The following XKR4 variants were observed in gnomAD, a reference collection of about 807,000 sequenced individuals.
XKR4 encodes the protein XK related 4.
A neutral mutation model predicts 53.9 loss-of-function variants in XKR4; 12 were observed. The ratio of observed to expected loss-of-function variants is 0.22; its 90% confidence interval spans 0.14 to 0.36. The LOEUF is 0.36. Ranked by LOEUF, XKR4 falls within the 10% of genes least tolerant of loss-of-function variation. XKR4 has a pLI of 1.00. For missense variants in XKR4, 799 were observed against 859.5 expected (o/e 0.93, Z 0.88); for synonymous variants, 354 against 362.4 (o/e 0.98, Z 0.26).
chr8:55,190,696 G>A (rs559040876), intron 1 of XKR4, among the ~76,000 whole-genome samples: 5 of 152,300 alleles, frequency 3.3e-5, no homozygotes, highest in African/African-American at 9.6e-5. Flanking sequence ...GTAACGTGTG[G>A]TATGCTGAAC....
chr8:55,277,262 G>A (rs117018763), intron 1 of XKR4, among the ~76,000 whole-genome samples: 282 of 152,240 alleles, frequency 1.9e-3, no homozygotes, highest in Non-Finnish European at 3.2e-3. Context: ...TGATGCTAAG[G>A]TGCTACTAAC....
chr8:55,253,465 A>C (rs1324883354), intron 1 of XKR4, among the ~76,000 whole-genome samples: 1 of 152,222 alleles, frequency 6.6e-6, no homozygotes, highest in African/African-American at 2.4e-5. Flanking sequence ...GCAATAGAAT[A>C]ATATCCAACC....
intron 1 of XKR4, among the ~76,000 whole-genome samples, chr8:55,328,822 C>T (rs1209337017): frequency 6.6e-6 from 1 of 152,208 alleles, no homozygotes; most frequent in Non-Finnish European, 1.5e-5. Context: ...TTTCGGATCT[C>T]AGCTTTACTA....
intron 1 of XKR4, among the ~76,000 whole-genome samples, chr8:55,132,630 A>G (rs1029999926): frequency 1.3e-5 from 2 of 152,196 alleles, no homozygotes; most frequent in African/African-American, 4.8e-5. Context: ...CTCCAGGGCC[A>G]TATTATTAAC....
intron 2 of XKR4, among the ~76,000 whole-genome samples, chr8:55,385,000 C>A (rs1434995958): frequency 6.6e-6 from 1 of 152,068 alleles, no homozygotes; most frequent in East Asian, 1.9e-4. Flanking sequence ...CTTAATACAA[C>A]AATAGTGTAG....
intron 1 of XKR4, among the ~76,000 whole-genome samples, chr8:55,177,988 C>T (rs2129359341): frequency 6.6e-6 from 1 of 152,282 alleles, no homozygotes; most frequent in Non-Finnish European, 1.5e-5. Flanking sequence ...TGTGGAGGTG[C>T]TCCAAAATTT....
intron 1 of XKR4, among the ~76,000 whole-genome samples, chr8:55,277,262 G>T (rs117018763): frequency 6.6e-6 from 1 of 152,122 alleles, no homozygotes; most frequent in Non-Finnish European, 1.5e-5. Context: ...TGATGCTAAG[G>T]TGCTACTAAC....
chr8:55,141,982 T>A, intron 1 of XKR4: 1 of 429,726 alleles, frequency 2.3e-6, no homozygotes, highest in Non-Finnish European at 4.7e-6. Context: ...CCTCTCTATT[T>A]CCAGGGGTGA....
At chr8:55,114,198 A>G (rs1816273912) in intron 1 of XKR4, among the ~76,000 whole-genome samples, 1 of 152,148 alleles carries the variant, frequency 6.6e-6, no homozygotes, top group Non-Finnish European at 1.5e-5. Flanking sequence ...CCAGCAGTGT[A>G]TGAAAGCGTT....
chr8:55,177,444 A>T (rs1817250972), intron 1 of XKR4, among the ~76,000 whole-genome samples: 1 of 152,212 alleles, frequency 6.6e-6, no homozygotes, highest in South Asian at 2.1e-4. Flanking sequence ...TTGGGGAAGA[A>T]TCTGAGTGTA....
chr8:55,507,742 C>G (rs959650371), intron 2 of XKR4, among the ~76,000 whole-genome samples: 2 of 152,152 alleles, frequency 1.3e-5, no homozygotes, highest in Non-Finnish European at 2.9e-5. Context: ...TTAATCCAGT[C>G]TATCCTTGTT....
chr8:55,372,458 G>T (rs1476659907), intron 2 of XKR4, among the ~76,000 whole-genome samples: 1 of 151,986 alleles, frequency 6.6e-6, no homozygotes, highest in Admixed American at 6.6e-5. Flanking sequence ...TAATCAGAAT[G>T]CTTGCTGAGC....
At chr8:55,290,780 C>G (rs1225448856) in intron 1 of XKR4, among the ~76,000 whole-genome samples, 1 of 152,000 alleles carries the variant, frequency 6.6e-6, no homozygotes, top group African/African-American at 2.4e-5. Flanking sequence ...ATTCTAGATA[C>G]TATTCCTTTG....
chr8:55,523,019 G>A (rs1806821055), intron 2 of XKR4, among the ~76,000 whole-genome samples: 1 of 152,060 alleles, frequency 6.6e-6, no homozygotes, highest in Non-Finnish European at 1.5e-5. Context: ...GTGGGCGCCT[G>A]TAGTCCCAGC....
intron 1 of XKR4, among the ~76,000 whole-genome samples, chr8:55,236,890 T>A (rs1287425939): frequency 6.6e-6 from 1 of 152,244 alleles, no homozygotes; most frequent in African/African-American, 2.4e-5. Flanking sequence ...TCTCTCCCTC[T>A]TTCTGGTGTT....
intron 1 of XKR4, among the ~76,000 whole-genome samples, chr8:55,333,929 G>A (rs1803416072): frequency 6.6e-6 from 1 of 152,130 alleles, no homozygotes; most frequent in African/African-American, 2.4e-5. Context: ...TCTTAATGAG[G>A]AGATTGGTTG....
At chr8:55,432,262 G>A (rs997344305) in intron 2 of XKR4, among the ~76,000 whole-genome samples, 3 of 152,146 alleles carry the variant, frequency 2.0e-5, no homozygotes, top group African/African-American at 7.2e-5. Context: ...TACTAGCTAT[G>A]TGACTTTGGG....
intron 2 of XKR4, among the ~76,000 whole-genome samples, chr8:55,442,397 G>A (rs1432734451): frequency 1.3e-5 from 2 of 152,302 alleles, no homozygotes; most frequent in East Asian, 3.9e-4. Flanking sequence ...GTCACCTGGT[G>A]CAGTTGTTTT....
At chr8:55,510,918 G>T (rs971422676) in intron 2 of XKR4, among the ~76,000 whole-genome samples, 11 of 152,156 alleles carry the variant, frequency 7.2e-5, no homozygotes, top group African/African-American at 2.7e-4. Context: ...GAGCCCTTGG[G>T]GTCCTCACAC....
Sources: gnomAD v4.1 joint callset for allele counts (sites outside exome capture counted in the v4.1 genomes callset) on GRCh38, gnomAD v4.1.1 for gene constraint, MANE v1.5 for transcripts, NCBI Gene and HGNC (gene_info 2026-07-23, HGNC 2026-07-21) for gene names.